The following SP100 variants were observed in gnomAD, a reference collection of about 807,000 sequenced individuals.
SP100 encodes SP100 nuclear body protein.
Under a neutral mutation model 130.0 loss-of-function variants are expected in SP100, and 84 were observed. The observed-to-expected ratio is 0.65, with a 90% CI of 0.54 to 0.77. SP100 has a LOEUF of 0.77. Among genes scored for constraint, SP100 ranks in the 30% least tolerant of loss-of-function variants. The probability of loss-of-function intolerance (pLI) is 0.00; values close to 1 mark genes in which losing one functional copy is unlikely to be tolerated. For synonymous variants in SP100, 331 were observed against 351.7 expected (o/e 0.94, Z 0.66); for missense variants, 978 against 1,052.2 (o/e 0.93, Z 0.97).
At chr2:230,467,628 C>T (rs1622980) in intron 13 of SP100, among the ~76,000 whole-genome samples, 130,340 of 152,122 alleles carry the variant, frequency 0.86, 56,600 homozygotes, top group African/African-American at 0.95. Flanking sequence ...CCTTATATAA[C>T]CATTCAGATC....
intron 19 of SP100, among the ~76,000 whole-genome samples, chr2:230,501,363 A>G (rs901431859): frequency 6.6e-6 from 1 of 152,218 alleles, no homozygotes; most frequent in Non-Finnish European, 1.5e-5. Flanking sequence ...ATATTTTAAT[A>G]AACTTCCTAA....
intron 16 of SP100, 135 bp downstream of exon 16, chr2:230,473,575 C>T: frequency 1.8e-6 from 1 of 556,106 alleles, no homozygotes; most frequent in Admixed American, 2.8e-5. Flanking sequence ...AGTGGGCCCA[C>T]AGGCCCCAAG....
intron 5 of SP100, among the ~76,000 whole-genome samples, chr2:230,448,202 T>C (rs1270422165): frequency 6.6e-6 from 1 of 152,160 alleles, no homozygotes; most frequent in Non-Finnish European, 1.5e-5. Context: ...GGCGGTCATG[T>C]AGAGAGACTC....
intron 2 of SP100, among the ~76,000 whole-genome samples, chr2:230,426,550 T>C (rs946855999): frequency 2.0e-5 from 3 of 152,204 alleles, no homozygotes; most frequent in Admixed American, 6.5e-5. Flanking sequence ...ACAGAAGTTA[T>C]GAATTCTTCA....
At chr2:230,520,389 G>T (rs1691116158) in intron 24 of SP100, among the ~76,000 whole-genome samples, 1 of 152,156 alleles carries the variant, frequency 6.6e-6, no homozygotes, top group Admixed American at 6.5e-5. Flanking sequence ...AACCTTGAGA[G>T]AAATAATTCA....
intron 24 of SP100, among the ~76,000 whole-genome samples, chr2:230,525,647 C>T (rs1342009862): frequency 6.6e-6 from 1 of 152,138 alleles, no homozygotes; most frequent in Non-Finnish European, 1.5e-5. Context: ...GGGGGGATTT[C>T]CCTTTCCTAG....
In SP100 at chr2:230,430,673, T is replaced by A. The variant is rs1003478015; in HGVS notation, c.108-12264T>A. ...GATTGGGTAGGACCACAGGCTACGT[T>A]CTACATTTGGACAGGGTGACTTGTT... On this transcript the variant is annotated intron_variant, in intron 2 of 28. Coordinates refer to ENST00000340126, the MANE Select transcript of SP100 (RefSeq NM_001080391.2). Among the ~76,000 whole-genome samples, 4 of 152,230 alleles carry A rather than the reference T, an allele frequency of 2.6e-5. No homozygotes were observed. In the South Asian group the frequency reaches 8.3e-4, roughly 32 times the overall value.
intron 2 of SP100, among the ~76,000 whole-genome samples, chr2:230,437,774 T>A (rs946165196): frequency 6.6e-6 from 1 of 152,126 alleles, no homozygotes; most frequent in East Asian, 1.9e-4. Context: ...GTCAGGCTGG[T>A]CTTGAACTCC....
intron 2 of SP100, among the ~76,000 whole-genome samples, chr2:230,428,683 C>T (rs957715270): frequency 1.3e-5 from 2 of 152,052 alleles, no homozygotes; most frequent in Non-Finnish European, 2.9e-5. Context: ...ACCTCATGAT[C>T]CACCCACCTC....
chr2:230,474,087 T>C (rs1267199822), intron 16 of SP100, among the ~76,000 whole-genome samples: 2 of 152,198 alleles, frequency 1.3e-5, no homozygotes, highest in Non-Finnish European at 2.9e-5. Context: ...TCCTATTAAC[T>C]CTTGCAAGTA....
Position 230,498,542 on chromosome 2 carries a change from A to G in SP100, c.1720+7A>G. ...AAAAGATGGCAACAAAGAGGTAAAAAAAAAAAAATACATTTTAAATAAATA... is the reference window on the plus strand; with the variant it reads ...AAAAGATGGCAACAAAGAGGTAAAAGAAAAAAAATACATTTTAAATAAATA... On this transcript the variant is annotated splice_region_variant and intron_variant, in intron 19 of 28. Coordinates refer to ENST00000340126, the MANE Select transcript of SP100 (RefSeq NM_001080391.2). 4 of 1,408,764 alleles carry G rather than the reference A, an allele frequency of 2.8e-6. No individual in the cohort carries two copies. Among genetic ancestry groups the G allele is most frequent in the Non-Finnish European group, 3.8e-6 (4 of 1,050,744 alleles). The allele number at this position is 1,408,764 out of a possible 1,614,324, so 87.3% of individuals were successfully genotyped here.
intron 2 of SP100, among the ~76,000 whole-genome samples, chr2:230,429,666 C>T (rs527913682): frequency 6.6e-6 from 1 of 151,938 alleles, no homozygotes; most frequent in South Asian, 2.1e-4. Context: ...GCTATTTTTG[C>T]TCCTCTGAGT....
intron 24 of SP100, among the ~76,000 whole-genome samples, chr2:230,519,901 CAAGAAG>C (rs1467893772): frequency 1.3e-5 from 2 of 151,894 alleles, no homozygotes; most frequent in Non-Finnish European, 2.9e-5. Context: ...TAAGTACTTG[CAAGAAG>C]AAGGACTCTA....
rs747384509 is a variant in SP100 at position 230,473,357 on chromosome 2, G to T, written c.1463G>T (p.Cys488Phe). ...SQPQEPENKKCSCVMCFPKGV... is the reference protein window; with the variant it reads ...SQPQEPENKKFSCVMCFPKGV... ...CCACAAGAACCTGAAAATAAGAAGT[G>T]CTCCTGTGTCATGTGTTTTCCAAAA... The change falls in exon 16 of 29, where the codon TGC (cysteine) becomes TTC (phenylalanine). Residue 488 changes from cysteine (C) to phenylalanine (F), a missense_variant. Coordinates refer to ENST00000340126, the MANE Select transcript of SP100 (RefSeq NM_001080391.2). 1.9e-6 allele frequency: 3 copies of T among 1,613,824 alleles called. No individual in the cohort carries two copies. In the South Asian group the frequency reaches 3.3e-5, roughly 18 times the overall value.
chr2:230,479,135 A>T (rs931268621), intron 17 of SP100, among the ~76,000 whole-genome samples: 3 of 152,064 alleles, frequency 2.0e-5, no homozygotes, highest in Admixed American at 6.5e-5. Context: ...ATGCATATAG[A>T]TTTTTCAACT....
At chr2:230,488,991 T>C (rs1358148278) in intron 17 of SP100, among the ~76,000 whole-genome samples, 1 of 152,188 alleles carries the variant, frequency 6.6e-6, no homozygotes, top group Non-Finnish European at 1.5e-5. Flanking sequence ...CCTTTTTTTA[T>C]TGTGTTTCTC....
intron 24 of SP100, among the ~76,000 whole-genome samples, chr2:230,532,536 T>A (rs1268895289): frequency 7.4e-5 from 11 of 147,986 alleles, no homozygotes; most frequent in Non-Finnish European, 6.0e-5. Flanking sequence ...TAAGTAGTAA[T>A]AAAAAAAAAA....
intron 25 of SP100, among the ~76,000 whole-genome samples, chr2:230,540,414 T>C (rs1692125060): frequency 6.6e-6 from 1 of 152,328 alleles, no homozygotes; most frequent in African/African-American, 2.4e-5. Context: ...GTATAAGATA[T>C]GGCAGGGCCA....
At position 230,444,208 on chromosome 2, in the gene SP100, C is replaced by T. The variant is rs1230754139; in HGVS notation, c.301C>T (p.Pro101Ser). The change falls in exon 4 of 29, where the codon CCT (proline) becomes TCT (serine). Residue 101 changes from proline (P) to serine (S), a missense_variant. Physicochemically the swap from Pro to Ser is moderately conservative, Grantham distance 74 (BLOSUM62 -1). Coordinates refer to ENST00000340126, the MANE Select transcript of SP100 (RefSeq NM_001080391.2). ...TCAAGATTCTTGTAGAAACCTGGTC[C>T]CTGTACAGAGAGTGGTGTACAATGT... ...DSQDSCRNLV[P>S]VQRVVYNVLS... 5 of 1,599,574 alleles carry T rather than the reference C, an allele frequency of 3.1e-6. No individual in the cohort carries two copies. Among genetic ancestry groups the T allele is most frequent in the Non-Finnish European group, 3.4e-6 (4 of 1,173,772 alleles).
Sources: gnomAD v4.1 joint callset for allele counts (sites outside exome capture counted in the v4.1 genomes callset) on GRCh38, gnomAD v4.1.1 for gene constraint, MANE v1.5 for transcripts, NCBI Gene and HGNC (gene_info 2026-07-23, HGNC 2026-07-21) for gene names.